The following HIP1 variants were observed in gnomAD, a reference collection of about 807,000 sequenced individuals.
The protein encoded by HIP1 is huntingtin-interacting protein 1.
HIP1 carries 65 observed loss-of-function variants against 147.6 expected under a neutral mutation model. That is an observed-to-expected ratio of 0.44 (90% CI 0.36 to 0.54). The LOEUF (loss-of-function observed/expected upper bound fraction) is 0.54, where lower values mean the gene tolerates loss of function less well. HIP1 is among the 20% of genes least tolerant of loss of function. The probability of loss-of-function intolerance (pLI) is 0.00; values close to 1 mark genes in which losing one functional copy is unlikely to be tolerated. For synonymous variants in HIP1, 479 were observed against 504.0 expected, an observed-to-expected ratio of 0.95 and a Z score of 0.67; for missense variants, 1,061 against 1,299.6, an observed-to-expected ratio of 0.82 and a Z score of 2.82.
rs548421930 is a variant in HIP1 at position 75,727,316 on chromosome 7, G to A, written c.120+11485C>T. ...TCACCATGTTGCTTAGGCTGGTCTC[G>A]AACTTCTGGGCTCAAGGGATCCGCC... is the stretch of plus-strand genomic sequence containing the variant. On this transcript the variant is annotated intron_variant, in intron 1 of 30. Transcript: ENST00000336926. Among the ~76,000 whole-genome samples the A allele has an allele frequency of 1.1e-3, 163 of 151,270 alleles. 1 individual carries two copies. The highest frequency in any genetic ancestry group is 2.6e-3 in the African/African-American group (106 of 41,252).
chr7:75,657,658 C>A (rs1303288123), intron 1 of HIP1, among the ~76,000 whole-genome samples: 2 of 151,926 alleles, frequency 1.3e-5, no homozygotes, highest in Non-Finnish European at 2.9e-5. Context: ...CCAAATATTG[C>A]ACATTCTCAC....
intron 8 of HIP1, among the ~76,000 whole-genome samples, chr7:75,571,879 C>T (rs965808151): frequency 2.6e-4 from 39 of 152,022 alleles, no homozygotes; most frequent in African/African-American, 8.7e-4. Context: ...CCACTGTGCC[C>T]ACCCCAGACA....
At position 75,556,152 on chromosome 7, in the gene HIP1, T is replaced by C; in HGVS notation, c.1701A>G (p.Ala567=). The change falls in exon 18 of 31, where the codon GCA becomes GCG. Residue 567 remains alanine (A), a synonymous_variant. Coordinates refer to ENST00000336926, the MANE Select transcript of HIP1 (RefSeq NM_005338.7). ...ETSAQSEANW[A]AEFAELEKER... ...CCTTCTCTAGCTCGGCGAACTCGGCTGCCCAGTTTGCTTCTGACTGCAAAG... is the reference window on the plus strand; with the variant it reads ...CCTTCTCTAGCTCGGCGAACTCGGCCGCCCAGTTTGCTTCTGACTGCAAAG... 6.2e-7 allele frequency: 1 copy of C among 1,614,164 alleles called. No homozygotes were observed. Among genetic ancestry groups the C allele is most frequent in the Non-Finnish European group, 8.5e-7 (1 of 1,180,036 alleles).
intron 1 of HIP1, among the ~76,000 whole-genome samples, chr7:75,666,132 T>C (rs1799552682): frequency 6.6e-6 from 1 of 151,404 alleles, no homozygotes; most frequent in Admixed American, 6.6e-5. Context: ...GTATGGTAGA[T>C]TTTTTTTTAA....
intron 1 of HIP1, among the ~76,000 whole-genome samples, chr7:75,606,152 A>C (rs1797216272): frequency 6.6e-6 from 1 of 152,182 alleles, no homozygotes; most frequent in Admixed American, 6.6e-5. Flanking sequence ...CCCAGCCAGA[A>C]GCTATTTAAT....
intron 1 of HIP1, among the ~76,000 whole-genome samples, chr7:75,666,504 A>G (rs1463748581): frequency 3.9e-5 from 6 of 152,212 alleles, no homozygotes; most frequent in African/African-American, 1.4e-4. Context: ...GATACAATCA[A>G]TAAAAGAAAA....
At chr7:75,591,276 G>C (rs1796492537) in intron 4 of HIP1, among the ~76,000 whole-genome samples, 1 of 152,032 alleles carries the variant, frequency 6.6e-6, no homozygotes, top group Non-Finnish European at 1.5e-5. Context: ...CAGGTGATCT[G>C]CTTGCCTCGG....
intron 1 of HIP1, among the ~76,000 whole-genome samples, chr7:75,619,416 C>T (rs1797768847): frequency 6.6e-6 from 1 of 150,386 alleles, no homozygotes; most frequent in African/African-American, 2.5e-5. Context: ...ATCCCAGCTA[C>T]TCGGGAGTCT....
intron 6 of HIP1, among the ~76,000 whole-genome samples, chr7:75,581,527 C>T (rs1796046795): frequency 6.6e-6 from 1 of 152,192 alleles, no homozygotes; most frequent in African/African-American, 2.4e-5. Context: ...GCCTGTAATC[C>T]CAGCACTTTG....
At position 75,652,887 on chromosome 7, in the gene HIP1, G is replaced by C. The variant is rs142507269; in HGVS notation, c.121-53640C>G. On this transcript the variant is annotated intron_variant, in intron 1 of 30. Transcript: ENST00000336926. ...AAACTTACTTCTCCCCCTGTGAACA[G>C]GGCAATACCCACTCTTGAGGGTCAT... Among the ~76,000 whole-genome samples, 70 of 152,208 alleles carry C rather than the reference G, an allele frequency of 4.6e-4. No homozygotes were observed. In the Middle Eastern group the frequency reaches 0.01, roughly 22 times the overall value.
rs1056554336 is a variant in HIP1 at position 75,603,059 on chromosome 7, C to T, written c.121-3812G>A. On this transcript the variant is annotated intron_variant, in intron 1 of 30. Transcript: ENST00000336926. ...CGGCCACGAGAAGCTAGAAAGAATC[C>T]TTCCCGGCCGGGCGCAGTGACTCAC... is the stretch of plus-strand genomic sequence containing the variant. Among the ~76,000 whole-genome samples, 6 of 150,358 alleles carry T rather than the reference C, an allele frequency of 4.0e-5. No homozygotes were observed. The South Asian group carries it at 1.1e-3, about 27-fold the overall frequency.
intron 1 of HIP1, among the ~76,000 whole-genome samples, chr7:75,665,595 A>G (rs894034842): frequency 6.6e-6 from 1 of 150,952 alleles, no homozygotes; most frequent in Non-Finnish European, 1.5e-5. Context: ...GCTGGAGTGC[A>G]GTGGTGTGAT....
intron 1 of HIP1, among the ~76,000 whole-genome samples, chr7:75,637,436 C>T (rs1554509820): frequency 1.3e-5 from 2 of 151,604 alleles, no homozygotes; most frequent in African/African-American, 4.8e-5. Flanking sequence ...ACCTCCTAAT[C>T]ATAGCCCAGA....
chr7:75,592,375 C>T lies in HIP1; in HGVS notation c.324G>A (p.Pro108=), dbSNP rs144446822. 2.2e-4 allele frequency: 350 copies of T among 1,604,708 alleles called. 1 individual carries two copies. In the African/African-American group the frequency reaches 4.2e-3, roughly 19 times the overall value. Residue 108 remains proline (P), a synonymous_variant, in exon 3 of 31, where the codon CCG becomes CCA. Coordinates refer to ENST00000336926, the MANE Select transcript of HIP1 (RefSeq NM_005338.7). ...CCCCATAGCCCCAGGAACTCACGTTCGGGTGTCCATCTCGGAGGAGTTTGT... is the reference window on the plus strand; with the variant it reads ...CCCCATAGCCCCAGGAACTCACGTTTGGGTGTCCATCTCGGAGGAGTTTGT... ...VFHKLLRDGH[P]NVLKDSLRYR...
chr7:75,668,467 G>A (rs1554514849), intron 1 of HIP1, among the ~76,000 whole-genome samples: 3 of 152,170 alleles, frequency 2.0e-5, no homozygotes. Flanking sequence ...TGGGTTTACA[G>A]GTGGCCGCCA....
At chr7:75,694,317 C>G (rs1800559630) in intron 1 of HIP1, among the ~76,000 whole-genome samples, 1 of 152,000 alleles carries the variant, frequency 6.6e-6, no homozygotes, top group African/African-American at 2.4e-5. Flanking sequence ...AGTGCTACAC[C>G]TTGGTGTATC....
intron 1 of HIP1, among the ~76,000 whole-genome samples, chr7:75,655,776 T>G (rs1165572781): frequency 1.3e-5 from 2 of 152,072 alleles, no homozygotes; most frequent in Non-Finnish European, 2.9e-5. Context: ...TAGCAGTGAT[T>G]GTTGTACAGC....
At chr7:75,611,483 A>G (rs1350458209) in intron 1 of HIP1, among the ~76,000 whole-genome samples, 3 of 146,032 alleles carry the variant, frequency 2.1e-5, no homozygotes, top group African/African-American at 5.1e-5. Flanking sequence ...AAAAAAAAAG[A>G]AAAAAAAAAG....
intron 1 of HIP1, among the ~76,000 whole-genome samples, chr7:75,728,259 CT>C (rs1801716816): frequency 6.6e-6 from 1 of 152,244 alleles, no homozygotes; most frequent in Non-Finnish European, 1.5e-5. Context: ...ATGCCATTCT[CT>C]CTTCCTCTGA....
Sources: gnomAD v4.1 joint callset for allele counts (sites outside exome capture counted in the v4.1 genomes callset) on GRCh38, gnomAD v4.1.1 for gene constraint, MANE v1.5 for transcripts, NCBI Gene and HGNC (gene_info 2026-07-23, HGNC 2026-07-21) for gene names.